Variants in MECOM observed in about 807,000 individuals in gnomAD.
The protein encoded by MECOM is MDS1 and EVI1 complex locus, also known as histone-lysine N-methyltransferase MECOM.
Under a neutral mutation model 116.3 loss-of-function variants are expected in MECOM, and 13 were observed. The observed-to-expected ratio is 0.11, with a 90% CI of 0.07 to 0.18. The LOEUF is 0.18. Among genes scored for constraint, MECOM ranks in the 10% least tolerant of loss-of-function variants. The probability of loss-of-function intolerance (pLI) is 1.00; values close to 1 mark genes in which losing one functional copy is unlikely to be tolerated. For missense variants in MECOM, 1,299 were observed against 1,509.0 expected, an observed-to-expected ratio of 0.86 and a Z score of 2.31; for synonymous variants, 528 against 535.2, an observed-to-expected ratio of 0.99 and a Z score of 0.19.
At chr3:169,191,854 A>G (rs1747744515) in intron 2 of MECOM, among the ~76,000 whole-genome samples, 1 of 152,072 alleles carries the variant, frequency 6.6e-6, no homozygotes, top group Non-Finnish European at 1.5e-5. Flanking sequence ...AGGTAAAAAC[A>G]CTAAAATCTG....
At chr3:169,540,069 G>C (rs955430483) in intron 1 of MECOM, among the ~76,000 whole-genome samples, 18 of 151,986 alleles carry the variant, frequency 1.2e-4, no homozygotes, top group African/African-American at 4.4e-4. Flanking sequence ...TCTCATGTAC[G>C]CTCTCTCTTC....
intron 1 of MECOM, among the ~76,000 whole-genome samples, chr3:169,504,830 C>T (rs559071471): frequency 2.0e-4 from 30 of 152,260 alleles, no homozygotes; most frequent in African/African-American, 6.5e-4. Flanking sequence ...CAAAGTGATT[C>T]GTGGCCAAAA....
intron 3 of MECOM, among the ~76,000 whole-genome samples, chr3:169,136,105 A>G (rs16853226): frequency 0.091 from 13,852 of 151,734 alleles, 776 homozygotes; most frequent in South Asian, 0.2. Context: ...TTCCAAATGC[A>G]AAGAGAATAT....
At chr3:169,196,724 A>G (rs1748454805) in intron 2 of MECOM, among the ~76,000 whole-genome samples, 1 of 152,078 alleles carries the variant, frequency 6.6e-6, no homozygotes, top group South Asian at 2.1e-4. Flanking sequence ...GTGAATCCAA[A>G]TTAGTTCAGC....
chr3:169,116,104 C>T lies in MECOM; in HGVS notation c.1768G>A (p.Gly590Ser). The T allele has an allele frequency of 6.2e-7, 1 of 1,614,144 alleles. No homozygotes were observed. The highest frequency in any genetic ancestry group is 8.5e-7 in the Non-Finnish European group (1 of 1,180,038). Residue 590 changes from glycine (G) to serine (S), a missense_variant, in exon 8 of 17, where the codon GGC becomes AGC. Physicochemically the swap from Gly to Ser is moderately conservative, Grantham distance 56 (BLOSUM62 0). This residue lies in a region of MECOM where 238 missense variants were observed against 273.1 expected (regional missense o/e 0.87). Transcript: ENST00000651503. ...SDLDDVSTPS[G>S]SDLETTSGSD... ...CCCGAGGTTGTTTCCAGGTCACTGCCACTTGGTGTACTGACATCATCAAGG... is the reference window on the plus strand; with the variant it reads ...CCCGAGGTTGTTTCCAGGTCACTGCTACTTGGTGTACTGACATCATCAAGG...
chr3:169,095,418 C>T (rs1721154957), intron 12 of MECOM, among the ~76,000 whole-genome samples, 173 bp from the exon 13 acceptor site: 1 of 152,096 alleles, frequency 6.6e-6, no homozygotes, highest in Non-Finnish European at 1.5e-5. Context: ...ACTCTGATTG[C>T]TTTAAAGACT....
chr3:169,661,313 C>G (rs58814415), intron 1 of MECOM, among the ~76,000 whole-genome samples: 1 of 146,456 alleles, frequency 6.8e-6, no homozygotes, highest in Non-Finnish European at 1.5e-5. Context: ...ACTCCCCCCC[C>G]CACACACACA....
chr3:169,414,190 G>A (rs956419841), intron 1 of MECOM, among the ~76,000 whole-genome samples: 4 of 152,218 alleles, frequency 2.6e-5, no homozygotes, highest in Admixed American at 2.0e-4. Flanking sequence ...CCAGAGGAAG[G>A]AGCAGGCAGC....
At chr3:169,319,354 C>A (rs900439413) in intron 2 of MECOM, among the ~76,000 whole-genome samples, 1 of 151,680 alleles carries the variant, frequency 6.6e-6, no homozygotes, top group East Asian at 1.9e-4. Flanking sequence ...TGTTCTCACT[C>A]GTAAGAGGGA....
chr3:169,548,894 A>C (rs1053205696), intron 1 of MECOM, among the ~76,000 whole-genome samples: 2 of 152,100 alleles, frequency 1.3e-5, no homozygotes, highest in African/African-American at 4.8e-5. Context: ...AAATGTGGTA[A>C]CTGATACCTA....
intron 1 of MECOM, among the ~76,000 whole-genome samples, chr3:169,581,448 CTTTT>C (rs3214398): frequency 6.6e-6 from 1 of 151,278 alleles, no homozygotes; most frequent in Non-Finnish European, 1.5e-5. Context: ...TGCTTTCTGC[CTTTT>C]TTTTTCTTTT....
At chr3:169,452,582 T>C (rs1412379318) in intron 1 of MECOM, among the ~76,000 whole-genome samples, 1 of 152,150 alleles carries the variant, frequency 6.6e-6, no homozygotes, top group East Asian at 1.9e-4. Context: ...AAAGGGGATG[T>C]GTATCATGGA....
chr3:169,287,001 A>G (rs2149688421), intron 2 of MECOM, among the ~76,000 whole-genome samples: 1 of 152,310 alleles, frequency 6.6e-6, no homozygotes, highest in South Asian at 2.1e-4. Context: ...TAAATAATAA[A>G]TCTCACAACA....
intron 1 of MECOM, among the ~76,000 whole-genome samples, chr3:169,540,052 C>T (rs1759883406): frequency 6.6e-6 from 1 of 152,140 alleles, no homozygotes; most frequent in Non-Finnish European, 1.5e-5. Context: ...CCTTATCACA[C>T]TGCTCTTCTC....
At chr3:169,188,877 A>T (rs1747120574) in intron 2 of MECOM, among the ~76,000 whole-genome samples, 1 of 152,142 alleles carries the variant, frequency 6.6e-6, no homozygotes, top group Non-Finnish European at 1.5e-5. Context: ...ACAGTCTCTC[A>T]AAACATTATG....
At chr3:169,663,253 G>GGGC in intron 1 of MECOM, 83 bp downstream of exon 1, 1 of 1,509,738 alleles carries the variant, frequency 6.6e-7, no homozygotes, top group Non-Finnish European at 9.0e-7. Flanking sequence ...GGCAGCCCGC[G>GGGC]CTCCCTCCCG....
intron 1 of MECOM, among the ~76,000 whole-genome samples, chr3:169,638,605 GTC>G (rs1231135287): frequency 6.6e-6 from 1 of 152,192 alleles, no homozygotes; most frequent in African/African-American, 2.4e-5. Flanking sequence ...TTATTGGTCA[GTC>G]TAATAGGCAA....
chr3:169,556,795 C>T (rs1308531256), intron 1 of MECOM, among the ~76,000 whole-genome samples: 1 of 152,158 alleles, frequency 6.6e-6, no homozygotes, highest in South Asian at 2.1e-4. Flanking sequence ...AGCATATGTT[C>T]CCCAGCCTTC....
chr3:169,128,001 C>T lies in MECOM; in HGVS notation c.673G>A (p.Ala225Thr). 1 of 1,614,044 alleles carries T rather than the reference C, an allele frequency of 6.2e-7. No individual in the cohort carries two copies. The highest frequency in any genetic ancestry group is 8.5e-7 in the Non-Finnish European group (1 of 1,179,930). ...CTGCATGGAAACTTTTGGTGATCTG[C>T]TAGTTCAGCCTTAGATTCAAAGAGC... ...DQLFESKAEL[A>T]DHQKFPCSTP... Residue 225 changes from alanine (A) to threonine (T), a missense_variant, in exon 5 of 17, where the codon GCA becomes ACA. Transcript: ENST00000651503.
Sources: gnomAD v4.1 joint callset for allele counts (sites outside exome capture counted in the v4.1 genomes callset) on GRCh38, gnomAD v4.1.1 for gene constraint, gnomAD v4.1.1 regional missense constraint, MANE v1.5 for transcripts, NCBI Gene and HGNC (gene_info 2026-07-23, HGNC 2026-07-21) for gene names.